Variants in AMOTL1 observed in about 807,000 individuals in gnomAD.
AMOTL1 encodes the protein angiomotin like 1.
A neutral mutation model predicts 102.9 loss-of-function variants in AMOTL1; 45 were observed. The observed-to-expected ratio is 0.44, with a 90% CI of 0.34 to 0.56. The LOEUF is 0.56. Ranked by LOEUF, AMOTL1 falls within the 20% of genes least tolerant of loss-of-function variation. AMOTL1 has a pLI of 0.01. For synonymous variants in AMOTL1, 481 were observed against 484.7 expected, an observed-to-expected ratio of 0.99 and a Z score of 0.10; for missense variants, 1,114 against 1,225.6, an observed-to-expected ratio of 0.91 and a Z score of 1.36.
Position 94,815,713 on chromosome 11 carries a change from A to G in AMOTL1, c.1122-5817A>G, listed in dbSNP as rs115583052. Reference sequence around the variant, plus strand: ...AAAACAAGGTAATGGTAACCAGTATATAAAAGCATTGTAAAGAAAATTATA... The same window carrying G: ...AAAACAAGGTAATGGTAACCAGTATGTAAAAGCATTGTAAAGAAAATTATA... On this transcript the variant is annotated intron_variant, in intron 3 of 12. Coordinates refer to ENST00000433060, the MANE Select transcript of AMOTL1 (RefSeq NM_130847.3). 5.8e-3 allele frequency among the ~76,000 whole-genome samples: 884 copies of G among 152,240 alleles called. 10 individuals carry two copies. The highest frequency in any genetic ancestry group is 0.02 in the African/African-American group (844 of 41,578).
intron 1 of AMOTL1, among the ~76,000 whole-genome samples, chr11:94,781,984 G>A (rs571440726): frequency 6.6e-6 from 1 of 152,288 alleles, no homozygotes; most frequent in Admixed American, 6.5e-5. Flanking sequence ...GAATGTTCTA[G>A]TTGAGGCAGT....
In AMOTL1 at chr11:94,799,798, G is replaced by A. The variant is rs370369134; in HGVS notation, c.608G>A (p.Gly203Glu). The change falls in exon 3 of 13, where the codon GGG becomes GAG. Residue 203 changes from glycine to glutamate, a missense_variant. Gly to Glu is a moderately conservative substitution (Grantham distance 98). Coordinates refer to ENST00000433060, the MANE Select transcript of AMOTL1 (RefSeq NM_130847.3). This position sits in a 1 kb window ranked among gnomAD's most constrained non-coding sequence, Gnocchi z 4.5. Reference protein sequence around the residue: ...EAKAQSQFFRGQQQQQQQQGA... With the variant: ...EAKAQSQFFREQQQQQQQQGA... ...AAAGCACAGTCGCAGTTCTTCAGGG[G>A]GCAGCAGCAGCAGCAACAGCAGCAG... 1.7e-5 allele frequency: 27 copies of A among 1,600,628 alleles called. No individual in the cohort carries two copies. The highest frequency in any genetic ancestry group is 2.2e-5 in the Non-Finnish European group (26 of 1,172,600).
chr11:94,781,002 C>T (rs1404838374), intron 1 of AMOTL1, among the ~76,000 whole-genome samples: 1 of 152,114 alleles, frequency 6.6e-6, no homozygotes, highest in African/African-American at 2.4e-5. Context: ...CATTCTCTTT[C>T]CCCTTCAGTC....
intron 8 of AMOTL1, among the ~76,000 whole-genome samples, chr11:94,855,953 GAT>G (rs1952653323): frequency 6.6e-6 from 1 of 152,184 alleles, no homozygotes; most frequent in South Asian, 2.1e-4. Flanking sequence ...TTCGGGAGCT[GAT>G]GGCAGACCCC....
At chr11:94,801,005 C>G (rs1951467818) in intron 3 of AMOTL1, among the ~76,000 whole-genome samples, 1 of 152,180 alleles carries the variant, frequency 6.6e-6, no homozygotes, top group African/African-American at 2.4e-5. Context: ...GGTCCCTGCC[C>G]TTCAGGACCC....
At chr11:94,804,727 A>G (rs761942176) in intron 3 of AMOTL1, among the ~76,000 whole-genome samples, 11 of 152,214 alleles carry the variant, frequency 7.2e-5, no homozygotes, top group Non-Finnish European at 8.8e-5. Context: ...TAAGACTTAT[A>G]TATTATAATG....
intron 1 of AMOTL1, among the ~76,000 whole-genome samples, chr11:94,791,436 A>G (rs569323110): frequency 2.0e-5 from 3 of 152,300 alleles, no homozygotes; most frequent in Middle Eastern, 3.4e-3. Flanking sequence ...CACTTTCCCT[A>G]TGCATACTAA....
At chr11:94,844,979 A>G (rs1010012397) in intron 6 of AMOTL1, among the ~76,000 whole-genome samples, 1 of 152,188 alleles carries the variant, frequency 6.6e-6, no homozygotes, top group Non-Finnish European at 1.5e-5. Context: ...ATTAATTCCT[A>G]TGTAGGAAGT....
chr11:94,729,852 C>T (rs12277165), intron 2 of AMOTL1, among the ~76,000 whole-genome samples: 2 of 152,114 alleles, frequency 1.3e-5, no homozygotes, highest in African/African-American at 4.8e-5. Flanking sequence ...AATACAAGAA[C>T]GAGAGCAAGA....
At chr11:94,777,512 G>A (rs1024177379) in intron 1 of AMOTL1, among the ~76,000 whole-genome samples, 1 of 151,996 alleles carries the variant, frequency 6.6e-6, no homozygotes, top group Non-Finnish European at 1.5e-5. Flanking sequence ...AATTCCAGGA[G>A]TTTGGAGAAA....
rs1490397967 is a variant in AMOTL1, at chr11:94,768,806, C to A, written c.49+246C>A. ...ACCCACGTTGACTGAAGTTGTGGCCCCGGGGTTTGGGCCCCGGGGTGCTGC... is the reference window on the plus strand; with the variant it reads ...ACCCACGTTGACTGAAGTTGTGGCCACGGGGTTTGGGCCCCGGGGTGCTGC... On this transcript the variant is annotated intron_variant, in intron 1 of 12. Coordinates refer to ENST00000433060, the MANE Select transcript of AMOTL1 (RefSeq NM_130847.3). Among the ~76,000 whole-genome samples the A allele has an allele frequency of 4.6e-5, 7 of 152,112 alleles. No individual in the cohort carries two copies. The East Asian group carries it at 1.4e-3, about 30-fold the overall frequency.
At position 94,859,575 on chromosome 11, in the gene AMOTL1, C is replaced by G; in HGVS notation, c.1995C>G (p.Ala665=). The change falls in exon 9 of 13, where the codon GCC becomes GCG. Residue 665 remains alanine (A), a synonymous_variant. Transcript: ENST00000433060. ...ACATGCCGGAATACAATGCCCCAGC[C>G]CTCCTGGAACTTGTGCGGGAGAAGG... The part of the protein sequence containing the change: ...PANMPEYNAP[A]LLELVREKEE... 1.2e-6 allele frequency: 2 copies of G among 1,613,746 alleles called. No homozygotes were observed. Among genetic ancestry groups the G allele is most frequent in the Non-Finnish European group, 1.7e-6 (2 of 1,179,858 alleles).
At chr11:94,716,405 A>G (rs1950099438) in intron 1 of AMOTL1, among the ~76,000 whole-genome samples, 1 of 152,150 alleles carries the variant, frequency 6.6e-6, no homozygotes, top group South Asian at 2.1e-4. Context: ...TGGTAAGATG[A>G]ATGACTTCCA....
In AMOTL1 at chr11:94,844,584, G is replaced by A. The variant is rs373686641; in HGVS notation, c.1649-5530G>A. On this transcript the variant is annotated intron_variant, in intron 6 of 12. Transcript: ENST00000433060. Reference sequence around the variant, plus strand: ...GGGCCTTGTGCTCTGTTATTGCATGGCCAAAGGGCAGAAGGCAGAAGTGAT... The same window carrying A: ...GGGCCTTGTGCTCTGTTATTGCATGACCAAAGGGCAGAAGGCAGAAGTGAT... Among the ~76,000 whole-genome samples the A allele has an allele frequency of 1.1e-4, 17 of 152,304 alleles. No individual in the cohort carries two copies. In the East Asian group the frequency reaches 2.7e-3, roughly 24 times the overall value.
At chr11:94,731,014 A>T (rs1345113153) in intron 2 of AMOTL1, among the ~76,000 whole-genome samples, 2 of 152,254 alleles carry the variant, frequency 1.3e-5, no homozygotes, top group Admixed American at 1.3e-4. Flanking sequence ...AAAACTCCAT[A>T]CTGTGACCAT....
rs560858609 is a variant in AMOTL1 at position 94,768,383 on chromosome 11, A to T, written c.-129A>T. 5 of 1,494,692 alleles carry T rather than the reference A, an allele frequency of 3.3e-6. No homozygotes were observed. In the East Asian group the frequency reaches 1.3e-4, roughly 38 times the overall value. The allele number at this position is 1,494,692 out of a possible 1,614,324, so 92.6% of individuals were successfully genotyped here. A position where few individuals can be genotyped will look rare whatever the true frequency, so the allele number is the denominator to read the frequency against. On this transcript the variant is annotated 5_prime_UTR_variant, in exon 1 of 13. Coordinates refer to ENST00000433060, the MANE Select transcript of AMOTL1 (RefSeq NM_130847.3). ...CGCGCGAGAAGCTCTAGGACCCAGC[A>T]GCGGTTGTCGGGTTTGGGGCTGGAG... is the stretch of plus-strand genomic sequence containing the variant.
intron 11 of AMOTL1, 32 bp from the exon 12 acceptor site, chr11:94,869,166 A>G (rs1267503968): frequency 2.0e-6 from 3 of 1,530,758 alleles, no homozygotes; most frequent in Non-Finnish European, 2.6e-6. Context: ...AAGGAAAAAA[A>G]GAATGTTGAA....
At chr11:94,763,857 A>C (rs184608211), upstream of AMOTL1, among the ~76,000 whole-genome samples, 6 of 152,232 alleles carry the variant, frequency 3.9e-5, no homozygotes, top group South Asian at 8.3e-4. Context: ...GCACTGTTCA[A>C]ACCTGTGTTG....
At chr11:94,715,030 T>A (rs908139747) in intron 1 of AMOTL1, among the ~76,000 whole-genome samples, 2 of 152,144 alleles carry the variant, frequency 1.3e-5, no homozygotes. Flanking sequence ...TTTGCCACTT[T>A]AGCTGCATCT....
Sources: allele counts gnomAD v4.1 joint callset (sites outside exome capture counted in the v4.1 genomes callset), GRCh38; gene constraint gnomAD v4.1.1; non-coding constraint Gnocchi (gnomAD v3.1); transcripts MANE v1.5; gene names NCBI Gene and HGNC (gene_info 2026-07-23, HGNC 2026-07-21).